SH3PXD2B: variants seen among roughly 807,000 people sequenced by gnomAD.
The protein encoded by SH3PXD2B is SH3 and PX domains 2B, also known as SH3 and PX domain-containing protein 2B.
In SH3PXD2B, 37 loss-of-function variants were observed where a neutral mutation model predicts 73.1. That is an observed-to-expected ratio of 0.51 (90% confidence interval 0.39 to 0.67). The LOEUF is 0.67. SH3PXD2B is among the 30% of genes least tolerant of loss of function. The probability of loss-of-function intolerance (pLI) is 0.00; values close to 1 mark genes in which losing one functional copy is unlikely to be tolerated. For synonymous variants in SH3PXD2B, 457 were observed against 480.5 expected (o/e 0.95, Z 0.64); for missense variants, 1,053 against 1,197.8 (o/e 0.88, Z 1.78).
chr5:172,447,115 G>T (rs1759686752), intron 1 of SH3PXD2B, among the ~76,000 whole-genome samples: 3 of 151,960 alleles, frequency 2.0e-5, no homozygotes, highest in Admixed American at 2.0e-4. Context: ...AGCATTTGCT[G>T]TTTTTTTATT....
chr5:172,380,943 G>C (rs147835182), intron 5 of SH3PXD2B, among the ~76,000 whole-genome samples: 13 of 152,364 alleles, frequency 8.5e-5, no homozygotes, highest in Middle Eastern at 3.4e-3. Context: ...TCGGAAGTCT[G>C]TGAACTCGAT....
Position 172,430,579 on chromosome 5 carries a change from C to G in SH3PXD2B, c.76-8083G>C, listed in dbSNP as rs113291390. ...CACACACTTGAGAGCCTGACTGGCG[C>G]CCAGGCTTCATCTTTCCTGGCTTTC... On this transcript the variant is annotated intron_variant, in intron 1 of 12. Coordinates refer to ENST00000311601, the MANE Select transcript of SH3PXD2B (RefSeq NM_001017995.3). 5.9e-3 allele frequency among the ~76,000 whole-genome samples: 894 copies of G among 152,354 alleles called. 6 individuals are homozygous for G. Among genetic ancestry groups the G allele is most frequent in the African/African-American group, 0.02 (850 of 41,594 alleles).
At chr5:172,454,123 G>T (rs1759870231) in intron 1 of SH3PXD2B, among the ~76,000 whole-genome samples, 155 bp downstream of exon 1, 1 of 149,960 alleles carries the variant, frequency 6.7e-6, no homozygotes, top group Non-Finnish European at 1.5e-5. Context: ...GGAGGAGTCG[G>T]GAGGGACCCG....
downstream of SH3PXD2B, among the ~76,000 whole-genome samples, chr5:172,331,846 T>C (rs1415959543): frequency 1.3e-5 from 2 of 152,268 alleles, no homozygotes; most frequent in South Asian, 2.1e-4. Context: ...CTCAGGAGGC[T>C]GAGGTACAAG....
At chr5:172,328,118 A>ATT (rs145836169) in intron 12 of SH3PXD2B, among the ~76,000 whole-genome samples, 8 of 140,004 alleles carry the variant, frequency 5.7e-5, no homozygotes, top group African/African-American at 1.9e-4. Flanking sequence ...TAGTAGGCTG[A>ATT]TTTTTTTTTT....
At chr5:172,383,811 G>A (rs1189776341) in intron 4 of SH3PXD2B, among the ~76,000 whole-genome samples, 1 of 151,966 alleles carries the variant, frequency 6.6e-6, no homozygotes, top group Non-Finnish European at 1.5e-5. Context: ...TCTGGGGTCT[G>A]GGGATAGAAG....
At position 172,337,768 on chromosome 5, in the gene SH3PXD2B, GC is replaced by G. The variant is rs1756738812; in HGVS notation, c.*600del. ...GATCTCCAGGCCCACTCCTGGGGGAGCCGCATCCAGTGGAACCTCAGAGGCC... is the reference window on the plus strand; with the variant it reads ...GATCTCCAGGCCCACTCCTGGGGGAGCGCATCCAGTGGAACCTCAGAGGCC... On this transcript the variant is annotated 3_prime_UTR_variant, in exon 13 of 13. Coordinates refer to ENST00000311601, the MANE Select transcript of SH3PXD2B (RefSeq NM_001017995.3). The G allele has an allele frequency of 2.0e-6, 2 of 996,254 alleles. No individual in the cohort carries two copies. The highest frequency in any genetic ancestry group is 8.9e-5 in the South Asian group (2 of 22,398). The allele number at this position is 996,254 out of a possible 1,614,324, so 61.7% of individuals were successfully genotyped here.
In SH3PXD2B at chr5:172,338,665, C is replaced by T. The variant is rs1234785897; in HGVS notation, c.2440G>A (p.Gly814Ser). 1.9e-6 allele frequency: 3 copies of T among 1,614,068 alleles called. No homozygotes were observed. The highest frequency in any genetic ancestry group is 1.7e-5 in the Admixed American group (1 of 59,996). Residue 814 changes from glycine to serine, a missense_variant, in exon 13 of 13, where the codon GGC becomes AGC. Physicochemically the swap from Gly to Ser is moderately conservative, Grantham distance 56. Coordinates refer to ENST00000311601, the MANE Select transcript of SH3PXD2B (RefSeq NM_001017995.3). This position sits in a 1 kb window ranked among gnomAD's most constrained non-coding sequence, Gnocchi z 5.1. ...CCTTTGCCTCGCGTGTCATCCTGGC[C>T]CCCCAAAGAGTTGGAGAGAAAAGGT... is the stretch of plus-strand genomic sequence containing the variant. ...AKPFLSNSLG[G>S]QDDTRGKGSL...
chr5:172,382,093 C>T lies in SH3PXD2B; in HGVS notation c.344G>A (p.Cys115Tyr). 1.2e-6 allele frequency: 2 copies of T among 1,611,590 alleles called. No homozygotes were observed. The highest frequency in any genetic ancestry group is 1.7e-6 in the Non-Finnish European group (2 of 1,179,094). The change falls in exon 5 of 13, where the codon TGT becomes TAT. Residue 115 changes from cysteine (C) to tyrosine (Y), a missense_variant. Physicochemically the swap from Cys to Tyr is radical, Grantham distance 194 (BLOSUM62 -2). Around this residue, in one of 2 missense-constraint regions of SH3PXD2B, gnomAD observed 466 missense variants for 607.1 expected, o/e 0.77. Coordinates refer to ENST00000311601, the MANE Select transcript of SH3PXD2B (RefSeq NM_001017995.3). Reference protein sequence around the residue: ...LIQLPPYISQCDEVLQFFETR... With the variant: ...LIQLPPYISQYDEVLQFFETR... ...CTCAAAGAACTGCAGCACCTCATCA[C>T]ACTGAGAGATGTAGGGGGGCAGCTG...
At chr5:172,368,483 A>T (rs796091471) in intron 6 of SH3PXD2B, among the ~76,000 whole-genome samples, 1,106 of 12,252 alleles carry the variant, frequency 0.09, 215 homozygotes, top group Middle Eastern at 0.15. Context: ...TATATATATA[A>T]AATATATATA....
At position 172,348,646 on chromosome 5, in the gene SH3PXD2B, CTATCTATCCTATCTATCTATCTATCTAT is replaced by C. The variant is rs1757058564; in HGVS notation, c.1013-1342_1013-1315del. Reference sequence around the variant, plus strand: ...TCTATGTATCTATCTATGTATCTATCTATCTATCCTATCTATCTATCTATCTATCTATCTATCTATCTATCTATCTATC... The same window carrying C: ...TCTATGTATCTATCTATGTATCTATCCTATCTATCTATCTATCTATCTATC... On this transcript the variant is annotated intron_variant, in intron 10 of 12. Coordinates refer to ENST00000311601, the MANE Select transcript of SH3PXD2B (RefSeq NM_001017995.3). 4.9e-5 allele frequency among the ~76,000 whole-genome samples: 3 copies of C among 61,338 alleles called. 1 individual carries two copies. Among genetic ancestry groups the C allele is most frequent in the East Asian group, 7.9e-4 (1 of 1,268 alleles). The allele number at this position is 61,338 out of a possible 152,430, so 40.2% of individuals were successfully genotyped here. A position where few individuals can be genotyped will look rare whatever the true frequency, so the allele number is the denominator to read the frequency against.
At chr5:172,361,807 G>C (rs1757410403) in intron 7 of SH3PXD2B, among the ~76,000 whole-genome samples, 1 of 152,128 alleles carries the variant, frequency 6.6e-6, no homozygotes, top group African/African-American at 2.4e-5. Flanking sequence ...GGCTGGCGCT[G>C]GTCTCGTGAC....
In SH3PXD2B at chr5:172,353,815, G is replaced by T; in HGVS notation, c.785+73C>A. The T allele has an allele frequency of 8.6e-7, 1 of 1,168,768 alleles. No individual in the cohort carries two copies. Among genetic ancestry groups the T allele is most frequent in the Non-Finnish European group, 1.3e-6 (1 of 775,134 alleles). 72.4% of individuals were successfully genotyped at this position (1,168,768 alleles called of 1,614,324 possible). On this transcript the variant is annotated intron_variant, in intron 9 of 12. Transcript: ENST00000311601. This position sits in a 1 kb window ranked among gnomAD's most constrained non-coding sequence, Gnocchi z 4.3. ...ACTTACCGACCTCTGTGAGGCCAGA[G>T]TCCCTGTGACCCCAAACCCACCCAG...
chr5:172,400,975 T>C (rs1367486178), intron 3 of SH3PXD2B, among the ~76,000 whole-genome samples: 2 of 152,226 alleles, frequency 1.3e-5, no homozygotes, highest in Non-Finnish European at 2.9e-5. Context: ...GCTGTGATCA[T>C]AGGCCTAATT....
At chr5:172,330,830 G>GT (rs1756539604), downstream of SH3PXD2B, among the ~76,000 whole-genome samples, 1 of 152,212 alleles carries the variant, frequency 6.6e-6, no homozygotes, top group Non-Finnish European at 1.5e-5. Context: ...TTTCCTATCT[G>GT]TAAGAACTGT....
intron 6 of SH3PXD2B, among the ~76,000 whole-genome samples, chr5:172,372,058 T>C (rs1177821668): frequency 1.3e-5 from 2 of 152,218 alleles, no homozygotes; most frequent in African/African-American, 4.8e-5. Flanking sequence ...AGAATGACTG[T>C]GGGGCCTGTG....
intron 1 of SH3PXD2B, among the ~76,000 whole-genome samples, chr5:172,423,644 G>A (rs1197557726): frequency 6.6e-6 from 1 of 151,934 alleles, no homozygotes; most frequent in Non-Finnish European, 1.5e-5. Flanking sequence ...TCTGTCCTGG[G>A]ACTTTTTTGG....
intron 1 of SH3PXD2B, among the ~76,000 whole-genome samples, chr5:172,434,361 G>A (rs544490758): frequency 1.3e-5 from 2 of 152,062 alleles, no homozygotes; most frequent in Non-Finnish European, 2.9e-5. Context: ...GCAAGCCCCC[G>A]GCACCCCTGG....
intron 2 of SH3PXD2B, among the ~76,000 whole-genome samples, chr5:172,411,729 T>C (rs185427445): frequency 6.6e-6 from 1 of 152,156 alleles, no homozygotes; most frequent in East Asian, 1.9e-4. Context: ...CCTTACACTC[T>C]GCCCATATTG....
Sources: allele counts gnomAD v4.1 joint callset (sites outside exome capture counted in the v4.1 genomes callset), GRCh38; gene constraint gnomAD v4.1.1; regional missense constraint gnomAD v4.1.1; non-coding constraint Gnocchi (gnomAD v3.1); transcripts MANE v1.5; gene names NCBI Gene and HGNC (gene_info 2026-07-23, HGNC 2026-07-21).